PFN2: variants seen among roughly 807,000 people sequenced by gnomAD.
PFN2 encodes the protein profilin 2, also known as profilin-2.
In PFN2, 8 loss-of-function variants were observed where a neutral mutation model predicts 15.3. That is an observed-to-expected ratio of 0.52 (90% CI 0.31 to 0.95). The LOEUF (loss-of-function observed/expected upper bound fraction) is 0.95, where lower values mean the gene tolerates loss of function less well. PFN2 is among the 40% of genes least tolerant of loss of function. The pLI, the probability that PFN2 is intolerant of heterozygous loss-of-function variation, is 0.05. For missense variants in PFN2, 111 were observed against 182.3 expected, an observed-to-expected ratio of 0.61 and a Z score of 2.25; for synonymous variants, 79 against 67.9, an observed-to-expected ratio of 1.16 and a Z score of -0.81.
At position 149,965,946 on chromosome 3, in the gene PFN2, T is replaced by A; in HGVS notation, c.*543A>T. ...CTTGGCATGCCCCCTCCCCCCAATT[T>A]CAAGGTATCATGCAAATCATTATTG... On this transcript the variant is annotated 3_prime_UTR_variant, in exon 3 of 3. Coordinates refer to ENST00000239940, the MANE Select transcript of PFN2 (RefSeq NM_053024.4). The A allele has an allele frequency of 7.5e-7, 1 of 1,329,512 alleles. No homozygotes were observed. Among genetic ancestry groups the A allele is most frequent in the Non-Finnish European group, 9.6e-7 (1 of 1,043,846 alleles). The allele number at this position is 1,329,512 out of a possible 1,614,324, so 82.4% of individuals were successfully genotyped here.
Position 149,966,980 on chromosome 3 carries a change from C to A in PFN2, c.326-394G>T, listed in dbSNP as rs558728525. Among the ~76,000 whole-genome samples, 3 of 152,058 alleles carry A rather than the reference C, an allele frequency of 2.0e-5. No individual in the cohort carries two copies. In the East Asian group the frequency reaches 5.8e-4, roughly 29 times the overall value. The stretch of plus-strand genomic sequence containing the variant: ...GGAGTTACTTACTTACAAACTCTCC[C>A]CAAATTTTAACATGCTTGATAAGTT... On this transcript the variant is annotated intron_variant, in intron 2 of 2. Coordinates refer to ENST00000239940, the MANE Select transcript of PFN2 (RefSeq NM_053024.4).
intron 2 of PFN2, among the ~76,000 whole-genome samples, chr3:149,967,743 T>A (rs1439420167): frequency 6.6e-6 from 1 of 152,180 alleles, no homozygotes; most frequent in Admixed American, 6.5e-5. Context: ...CTGACAACAG[T>A]CTGGAGACAC....
chr3:149,970,788 G>C lies in PFN2; in HGVS notation c.69C>G (p.Val23=), dbSNP rs1291856001. 4 of 1,514,444 alleles carry C rather than the reference G, an allele frequency of 2.6e-6. No homozygotes were observed. In the African/African-American group the frequency reaches 4.3e-5, roughly 16 times the overall value. 93.8% of individuals were successfully genotyped at this position (1,514,444 alleles called of 1,614,324 possible). Residue 23 remains valine (V), a synonymous_variant, in exon 1 of 3, where the codon GTC becomes GTG. Transcript: ENST00000239940. ...AGACGTATTTGGCGTCGCAGTAGCC[G>C]ACAATGGCGGCCTCCTGGCAGCAGC... ...CDGCCQEAAI[V]GYCDAKYVWA... is the part of the protein sequence containing the mutation.
chr3:149,969,356 A>C (rs1345329767), intron 1 of PFN2, among the ~76,000 whole-genome samples: 1 of 152,210 alleles, frequency 6.6e-6, no homozygotes, highest in African/African-American at 2.4e-5. Context: ...AATAAGAAGG[A>C]AGGCGTCGCC....
At position 149,965,887 on chromosome 3, in the gene PFN2, AT is replaced by A. The variant is rs925273831; in HGVS notation, c.*601del. On this transcript the variant is annotated 3_prime_UTR_variant, in exon 3 of 3. Transcript: ENST00000239940. ...ATATTAACTTATTTTAGTAATCAAT[AT>A]CCCATTAATTGCTAAGACAAAGTGA... The A allele has an allele frequency of 8.0e-7, 1 of 1,247,678 alleles. No homozygotes were observed. The highest frequency in any genetic ancestry group is 1.0e-6 in the Non-Finnish European group (1 of 993,950). The allele number at this position is 1,247,678 out of a possible 1,614,324, so 77.3% of individuals were successfully genotyped here.
chr3:149,969,578 T>C (rs1722789065), intron 1 of PFN2, among the ~76,000 whole-genome samples: 1 of 152,212 alleles, frequency 6.6e-6, no homozygotes, highest in Non-Finnish European at 1.5e-5. Context: ...GTTCTAAAGT[T>C]AGACTTTAAA....
In PFN2 at chr3:149,968,443, G is replaced by A. The variant is rs200579033; in HGVS notation, c.240C>T (p.Val80=). The change falls in exon 2 of 3, where the codon GTC becomes GTT. Residue 80 remains valine, a synonymous_variant. Transcript: ENST00000239940. ...KCSVIRDSLY[V]DGDCTMDIRT... ...GGATGTCCATTGTGCAGTCACCATC[G>A]ACGTATAGACTATCTCTGATCACTG... 10 of 1,613,870 alleles carry A rather than the reference G, an allele frequency of 6.2e-6. No homozygotes were observed. The East Asian group carries it at 1.8e-4, about 29-fold the overall frequency.
At chr3:149,970,081 G>C (rs1422010286) in intron 1 of PFN2, among the ~76,000 whole-genome samples, 3 of 151,576 alleles carry the variant, frequency 2.0e-5, no homozygotes, top group African/African-American at 4.8e-5. Context: ...TATAGAGCTA[G>C]AGCTGAAGTC....
rs1722668016 is a variant in PFN2, at chr3:149,965,764, C to T, written c.*725G>A. On this transcript the variant is annotated 3_prime_UTR_variant, in exon 3 of 3. Transcript: ENST00000239940. ...GAATGATGCATGCACTTTTTCCTCC[C>T]AACCATGCGCTACAAAAGGAAGACT... 19 of 1,047,580 alleles carry T rather than the reference C, an allele frequency of 1.8e-5. No homozygotes were observed. Among genetic ancestry groups the T allele is most frequent in the Non-Finnish European group, 2.2e-5 (19 of 869,826 alleles). The allele number at this position is 1,047,580 out of a possible 1,614,324, so 64.9% of individuals were successfully genotyped here. A position where few individuals can be genotyped will look rare whatever the true frequency, so the allele number is the denominator to read the frequency against.
In PFN2 at chr3:149,966,473, A is replaced by G; in HGVS notation, c.*16T>C. On this transcript the variant is annotated 3_prime_UTR_variant, in exon 3 of 3. Coordinates refer to ENST00000239940, the MANE Select transcript of PFN2 (RefSeq NM_053024.4). ...AAGAGCAATTTTCCCCTAATACTTA[A>G]CAGTCTGCCTAGCAGCTAGAACCCA... 2 of 1,609,476 alleles carry G rather than the reference A, an allele frequency of 1.2e-6. No homozygotes were observed. The highest frequency in any genetic ancestry group is 1.7e-6 in the Non-Finnish European group (2 of 1,178,494).
At chr3:149,967,544 TA>T (rs2108629966) in intron 2 of PFN2, among the ~76,000 whole-genome samples, 1 of 152,244 alleles carries the variant, frequency 6.6e-6, no homozygotes, top group East Asian at 1.9e-4. Flanking sequence ...GAGCTGTTAT[TA>T]AAATTAGATG....
At position 149,970,837 on chromosome 3, in the gene PFN2, T is replaced by G; in HGVS notation, c.20A>C (p.Tyr7Ser). Residue 7 changes from tyrosine (Y) to serine (S), a missense_variant, in exon 1 of 3, where the codon TAC (tyrosine) becomes TCC (serine). Tyr to Ser is a moderately radical substitution (Grantham distance 144). Coordinates refer to ENST00000239940, the MANE Select transcript of PFN2 (RefSeq NM_053024.4). ...GCCATCGCACATCAGGTTATCCACG[T>G]AGCTCTGCCAACCGGCCATCTTCGA... Reference protein sequence around the residue: MAGWQSYVDNLMCDGCC... With the variant: MAGWQSSVDNLMCDGCC... 1 of 1,486,238 alleles carries G rather than the reference T, an allele frequency of 6.7e-7. No homozygotes were observed. Among genetic ancestry groups the G allele is most frequent in the Non-Finnish European group, 9.0e-7 (1 of 1,112,264 alleles). The allele number at this position is 1,486,238 out of a possible 1,614,324, so 92.1% of individuals were successfully genotyped here.
At position 149,965,175 on chromosome 3, in the gene PFN2, A is replaced by G. The variant is rs1722649169; in HGVS notation, c.*1314T>C. 1 of 1,461,272 alleles carries G rather than the reference A, an allele frequency of 6.8e-7. No individual in the cohort carries two copies. Among genetic ancestry groups the G allele is most frequent in the African/African-American group, 1.4e-5 (1 of 70,580 alleles). 90.5% of individuals were successfully genotyped at this position (1,461,272 alleles called of 1,614,324 possible). On this transcript the variant is annotated 3_prime_UTR_variant, in exon 3 of 3. Transcript: ENST00000239940. ...TAGGTCAGTTAAAATCCATCTCACAATAGCAACAGTTCATTTTAACAATAG... is the reference window on the plus strand; with the variant it reads ...TAGGTCAGTTAAAATCCATCTCACAGTAGCAACAGTTCATTTTAACAATAG...
chr3:149,967,523 C>T (rs1383544905), intron 2 of PFN2, among the ~76,000 whole-genome samples: 1 of 152,216 alleles, frequency 6.6e-6, no homozygotes, highest in Non-Finnish European at 1.5e-5. Context: ...TTCAACTCCC[C>T]TCACATGGTA....
chr3:149,970,486 C>G (rs1279900352), intron 1 of PFN2: 2 of 314,640 alleles, frequency 6.4e-6, no homozygotes, highest in East Asian at 5.3e-5. Flanking sequence ...CGGGGGCGCC[C>G]GGCCAGGGCC....
Position 149,965,698 on chromosome 3 carries a change from T to C in PFN2, c.*791A>G. ...AAGATGGAAGCAAACCAAATGCCTA[T>C]GTGCGAAGGGAGGGGGGGCGGGAAA... On this transcript the variant is annotated 3_prime_UTR_variant, in exon 3 of 3. Transcript: ENST00000239940. 1.6e-5 allele frequency: 5 copies of C among 317,930 alleles called. No homozygotes were observed. Among genetic ancestry groups the C allele is most frequent in the East Asian group, 3.5e-4 (1 of 2,856 alleles). The allele number at this position is 317,930 out of a possible 1,614,324, so 19.7% of individuals were successfully genotyped here. A position where few individuals can be genotyped will look rare whatever the true frequency, so the allele number is the denominator to read the frequency against.
intron 1 of PFN2, chr3:149,970,472 ACGCCGGGGGCGCCCGGCCAGGGCCAG>A: frequency 3.5e-6 from 1 of 289,776 alleles, no homozygotes; most frequent in Non-Finnish European, 6.3e-6. Context: ...GACGCTGGGA[ACGCCGGGGGCGCCCGGCCAGGGCCAG>A]CAAGGAGTCC....
rs1722693828 is a variant in PFN2 at position 149,966,433 on chromosome 3, T to C, written c.*56A>G. 2.5e-6 allele frequency: 4 copies of C among 1,604,506 alleles called. No homozygotes were observed. Among genetic ancestry groups the C allele is most frequent in the East Asian group, 2.2e-5 (1 of 44,856 alleles). On this transcript the variant is annotated 3_prime_UTR_variant, in exon 3 of 3. Transcript: ENST00000239940. ...TTTCCAGAATTAAGACTTAAGCTTA[T>C]AGCTAGGAAAGTTTAAGAGCAATTT... is the stretch of plus-strand genomic sequence containing the variant.
rs757000144 is a variant in PFN2 at position 149,966,238 on chromosome 3, C to G, written c.*251G>C. On this transcript the variant is annotated 3_prime_UTR_variant, in exon 3 of 3. Coordinates refer to ENST00000239940, the MANE Select transcript of PFN2 (RefSeq NM_053024.4). ...TTGTTAAGTGTGCCTCCGTGGACAC[C>G]TTCCTTTCCCATGACTATAACCAAT... 3.1e-6 allele frequency: 5 copies of G among 1,613,656 alleles called. No homozygotes were observed. The highest frequency in any genetic ancestry group is 4.2e-6 in the Non-Finnish European group (5 of 1,179,678).
Sources: gnomAD v4.1 joint callset for allele counts (sites outside exome capture counted in the v4.1 genomes callset) on GRCh38, gnomAD v4.1.1 for gene constraint, MANE v1.5 for transcripts, NCBI Gene and HGNC (gene_info 2026-07-23, HGNC 2026-07-21) for gene names.